FOXN2: variants seen among roughly 807,000 people sequenced by gnomAD.
The protein encoded by FOXN2 is forkhead box N2.
FOXN2 carries 19 observed loss-of-function variants against 41.2 expected under a neutral mutation model. The observed-to-expected ratio is 0.46, with a 90% CI of 0.32 to 0.68. FOXN2 has a LOEUF of 0.68. FOXN2 is among the 30% of genes least tolerant of loss of function. The probability of loss-of-function intolerance (pLI) is 0.03; values close to 1 mark genes in which losing one functional copy is unlikely to be tolerated. For missense variants in FOXN2, 587 were observed against 509.4 expected (o/e 1.15, Z -1.47); for synonymous variants, 195 against 176.8 (o/e 1.10, Z -0.82).
intron 2 of FOXN2, among the ~76,000 whole-genome samples, chr2:48,342,129 C>A (rs1670817484): frequency 6.6e-6 from 1 of 152,034 alleles, no homozygotes; most frequent in Non-Finnish European, 1.5e-5. Context: ...GGAAATAGAA[C>A]AACAAAGACA....
chr2:48,352,404 A>G (rs1378511517), intron 3 of FOXN2, among the ~76,000 whole-genome samples: 1 of 152,094 alleles, frequency 6.6e-6, no homozygotes, highest in Non-Finnish European at 1.5e-5. Flanking sequence ...CACTGTGCTT[A>G]ATTCTTTGTT....
chr2:48,353,287 A>G (rs1671570068), intron 3 of FOXN2, among the ~76,000 whole-genome samples: 1 of 151,730 alleles, frequency 6.6e-6, no homozygotes, highest in Non-Finnish European at 1.5e-5. Context: ...AGTATACTAT[A>G]AATAGTCCTT....
chr2:48,321,042 T>C (rs1406525159), intron 1 of FOXN2, among the ~76,000 whole-genome samples: 2 of 152,196 alleles, frequency 1.3e-5, no homozygotes, highest in Non-Finnish European at 2.9e-5. Flanking sequence ...GCAATGAAGA[T>C]ACTGTTTCAG....
rs1056373523 is a variant in FOXN2 at position 48,323,369 on chromosome 2, C to T, written c.-156-5192C>T. ...TTCCCACCAACAGTGTATGCGCATT[C>T]CCCCTTTCTCCACATCCTTGCCAGC... On this transcript the variant is annotated intron_variant, in intron 1 of 6. Coordinates refer to ENST00000340553, the MANE Select transcript of FOXN2 (RefSeq NM_002158.4). 1.1e-4 allele frequency among the ~76,000 whole-genome samples: 16 copies of T among 152,192 alleles called. No homozygotes were observed. The South Asian group carries it at 1.5e-3, about 14-fold the overall frequency.
At chr2:48,353,918 AAC>A (rs1423624718) in intron 3 of FOXN2, among the ~76,000 whole-genome samples, 4 of 151,980 alleles carry the variant, frequency 2.6e-5, no homozygotes, top group Middle Eastern at 3.2e-3. Flanking sequence ...CCTTATAGTT[AAC>A]AGTGTCATTG....
At chr2:48,345,459 G>T (rs1671038183) in intron 2 of FOXN2, among the ~76,000 whole-genome samples, 1 of 152,018 alleles carries the variant, frequency 6.6e-6, no homozygotes, top group Admixed American at 6.6e-5. Flanking sequence ...TAATAATAAT[G>T]TATATTTCAA....
intron 3 of FOXN2, 63 bp from the exon 4 acceptor site, chr2:48,358,984 A>C: frequency 7.8e-7 from 1 of 1,282,746 alleles, no homozygotes; most frequent in Non-Finnish European, 1.1e-6. Context: ...TTTATTTAAA[A>C]CATTTAGACG....
At chr2:48,313,783 TTAGA>T (rs1213291041), upstream of FOXN2, among the ~76,000 whole-genome samples, 2 of 152,156 alleles carry the variant, frequency 1.3e-5, no homozygotes, top group Non-Finnish European at 2.9e-5. Context: ...TTTCCATGAG[TTAGA>T]TAGGGTTCTC....
intron 5 of FOXN2, among the ~76,000 whole-genome samples, chr2:48,372,369 A>G (rs557355732): frequency 5.3e-5 from 8 of 152,318 alleles, no homozygotes; most frequent in African/African-American, 1.7e-4. Context: ...TAAATTAGAC[A>G]TTGAAAGTAA....
intron 4 of FOXN2, among the ~76,000 whole-genome samples, chr2:48,361,075 T>C (rs1308263694): frequency 1.3e-5 from 2 of 151,768 alleles, no homozygotes; most frequent in East Asian, 1.9e-4. Flanking sequence ...ATCACAAATA[T>C]ATTTTGCTGT....
intron 2 of FOXN2, among the ~76,000 whole-genome samples, chr2:48,331,579 G>C (rs890051843): frequency 1.1e-4 from 17 of 152,128 alleles, no homozygotes; most frequent in African/African-American, 4.1e-4. Flanking sequence ...AATTAGGGAG[G>C]GGCCAAGGCA....
At chr2:48,347,257 C>T (rs1462767288) in intron 3 of FOXN2, among the ~76,000 whole-genome samples, 16 of 121,038 alleles carry the variant, frequency 1.3e-4, no homozygotes, top group Admixed American at 3.1e-4. Flanking sequence ...GAGACAGTCT[C>T]GATCTGTCAC....
At chr2:48,338,453 G>A (rs1259843439) in intron 2 of FOXN2, among the ~76,000 whole-genome samples, 1 of 151,746 alleles carries the variant, frequency 6.6e-6, no homozygotes, top group African/African-American at 2.4e-5. Flanking sequence ...CCAGGCTGGA[G>A]TGCAGTGGCG....
chr2:48,349,324 A>G (rs142590353), intron 3 of FOXN2, among the ~76,000 whole-genome samples: 1,563 of 152,198 alleles, frequency 0.01, 21 homozygotes, highest in South Asian at 0.057. Flanking sequence ...TGTCTCTACT[A>G]AAATTAGAAA....
At chr2:48,345,128 T>A (rs1671014217) in intron 2 of FOXN2, among the ~76,000 whole-genome samples, 1 of 152,212 alleles carries the variant, frequency 6.6e-6, no homozygotes, top group African/African-American at 2.4e-5. Context: ...GGACAGTTCA[T>A]ACCTTACTAA....
At chr2:48,356,050 G>A (rs1180166836) in intron 3 of FOXN2, among the ~76,000 whole-genome samples, 2 of 152,122 alleles carry the variant, frequency 1.3e-5, no homozygotes, top group South Asian at 2.1e-4. Context: ...ACTTGAACCC[G>A]GAGGCAGAGG....
intron 1 of FOXN2, among the ~76,000 whole-genome samples, chr2:48,321,072 C>G (rs1447543946): frequency 6.6e-6 from 1 of 151,962 alleles, no homozygotes; most frequent in African/African-American, 2.4e-5. Flanking sequence ...ACAGCATCTA[C>G]TATATTTATT....
chr2:48,375,819 TA>T lies in FOXN2; in HGVS notation c.*378del, dbSNP rs2104551635. On this transcript the variant is annotated 3_prime_UTR_variant, in exon 7 of 7. Transcript: ENST00000340553. ...TTTTTTCATTTTCTTTTCCAATCTG[TA>T]ACTATAGTTACTGAACCAGCTAAAA... 6.1e-6 allele frequency: 1 copy of T among 164,828 alleles called. No homozygotes were observed. The highest frequency in any genetic ancestry group is 1.7e-4 in the East Asian group (1 of 5,760). The allele number at this position is 164,828 out of a possible 1,614,324, so 10.2% of individuals were successfully genotyped here.
intron 3 of FOXN2, among the ~76,000 whole-genome samples, chr2:48,358,171 T>A (rs947131520): frequency 6.6e-6 from 1 of 152,146 alleles, no homozygotes; most frequent in African/African-American, 2.4e-5. Context: ...ATTTTTTTCT[T>A]ATTGTCGTTT....
Sources: allele counts gnomAD v4.1 joint callset (sites outside exome capture counted in the v4.1 genomes callset), GRCh38; gene constraint gnomAD v4.1.1; transcripts MANE v1.5; gene names NCBI Gene and HGNC (gene_info 2026-07-23, HGNC 2026-07-21).